SNTG2: variants seen among roughly 807,000 people sequenced by gnomAD.
The protein encoded by SNTG2 is syntrophin gamma 2.
SNTG2 carries 74 observed loss-of-function variants against 70.9 expected under a neutral mutation model. The observed-to-expected ratio is 1.04, with a 90% CI of 0.86 to 1.27. The LOEUF is 1.27. Ranked by LOEUF, SNTG2 falls within the 50% of genes most tolerant of loss-of-function variation. SNTG2 has a pLI of 0.00. For synonymous variants in SNTG2, 278 were observed against 273.8 expected (o/e 1.02, Z -0.15); for missense variants, 717 against 690.7 (o/e 1.04, Z -0.43).
chr2:1,100,315 C>T (rs529145336), intron 4 of SNTG2, among the ~76,000 whole-genome samples: 41 of 152,124 alleles, frequency 2.7e-4, no homozygotes, highest in Non-Finnish European at 4.6e-4. Flanking sequence ...TACAGGTGCC[C>T]GCCACCACGC....
chr2:1,098,479 A>G, intron 4 of SNTG2, 69 bp downstream of exon 4: 3 of 1,491,812 alleles, frequency 2.0e-6, no homozygotes, highest in Admixed American at 3.4e-5. Flanking sequence ...ACTGAAAATG[A>G]TAAAAATCAG....
intron 9 of SNTG2, among the ~76,000 whole-genome samples, chr2:1,211,173 G>A (rs762452481): frequency 1.3e-5 from 2 of 152,210 alleles, no homozygotes; most frequent in Non-Finnish European, 2.9e-5. Flanking sequence ...TAAAGTGTGT[G>A]CTTGTGGCTT....
intron 14 of SNTG2, among the ~76,000 whole-genome samples, chr2:1,303,561 C>G (rs1005388967): frequency 5.3e-5 from 8 of 152,140 alleles, no homozygotes; most frequent in African/African-American, 1.9e-4. Flanking sequence ...AAACTGTAGG[C>G]TTTTGCCTCA....
rs2148309599 is a variant in SNTG2, at chr2:1,353,596, T to C, written c.1489-13747T>C. 1 of 152,336 alleles carries C rather than the reference T, an allele frequency of 6.6e-6. No individual in the cohort carries two copies. Among genetic ancestry groups the C allele is most frequent in the Admixed American group, 6.5e-5 (1 of 15,302 alleles). The allele number at this position is 152,336 out of a possible 1,614,324, so 9.4% of individuals were successfully genotyped here. A position where few individuals can be genotyped will look rare whatever the true frequency, so the allele number is the denominator to read the frequency against. ...TCAGTGACAGAGGAGTGGCCTGCGG[T>C]GAAAGGCAGCCTGAGTTCAGATTGC... On this transcript the variant is annotated intron_variant, in intron 16 of 16. Coordinates refer to ENST00000308624, the MANE Select transcript of SNTG2 (RefSeq NM_018968.4). The surrounding 1 kb of genome is among the most constrained non-coding windows in gnomAD (Gnocchi z 4.2).
chr2:1,155,434 A>G (rs974882976), intron 6 of SNTG2, among the ~76,000 whole-genome samples: 1 of 152,160 alleles, frequency 6.6e-6, no homozygotes, highest in African/African-American at 2.4e-5. Context: ...GTGTACACAC[A>G]CCACATATGT....
intron 12 of SNTG2, among the ~76,000 whole-genome samples, chr2:1,253,462 C>T (rs928464864): frequency 5.3e-5 from 8 of 152,176 alleles, no homozygotes; most frequent in African/African-American, 1.9e-4. Flanking sequence ...CCTCACTATG[C>T]AATAATGTAG....
intron 4 of SNTG2, among the ~76,000 whole-genome samples, chr2:1,100,600 G>A (rs566484702): frequency 2.0e-5 from 3 of 152,306 alleles, no homozygotes; most frequent in East Asian, 1.9e-4. Context: ...GATTCCACAC[G>A]GGCGCCGTGG....
Position 961,348 on chromosome 2 carries a change from G to T in SNTG2, c.72+10280G>T, listed in dbSNP as rs532724431. 2.6e-5 allele frequency among the ~76,000 whole-genome samples: 4 copies of T among 152,252 alleles called. No individual in the cohort carries two copies. The East Asian group carries it at 7.7e-4, about 29-fold the overall frequency. On this transcript the variant is annotated intron_variant, in intron 1 of 16. Transcript: ENST00000308624. ...TTAATATATTTTTAGTAGAGATGGG[G>T]TTTCACAATGTTGGCCAGGCTCCCA...
chr2:1,078,492 G>A (rs1048379869), intron 1 of SNTG2, among the ~76,000 whole-genome samples: 3 of 152,050 alleles, frequency 2.0e-5, no homozygotes, highest in Non-Finnish European at 4.4e-5. Context: ...TTGCAGGACA[G>A]CTGGGCAGGG....
In SNTG2 at chr2:1,177,928, A is replaced by G. The variant is rs1386011759; in HGVS notation, c.591+4745A>G. Among the ~76,000 whole-genome samples the G allele has an allele frequency of 2.0e-5, 3 of 152,222 alleles. No individual in the cohort carries two copies. In the East Asian group the frequency reaches 5.8e-4, roughly 29 times the overall value. ...TTGTTAAATATGAGATAATTTTTAT[A>G]TTAGCCAGACTACTGTATTGTTGGA... On this transcript the variant is annotated intron_variant, in intron 8 of 16. Transcript: ENST00000308624.
intron 1 of SNTG2, among the ~76,000 whole-genome samples, chr2:981,599 CCACACATA>C (rs1242475370): frequency 6.6e-5 from 10 of 151,994 alleles, no homozygotes; most frequent in African/African-American, 1.7e-4. Context: ...ATGCCTGTGC[CCACACATA>C]TGCACATATG....
At chr2:1,267,237 CTCCT>C in intron 13 of SNTG2, 124 bp from the exon 14 acceptor site, 1 of 804,286 alleles carries the variant, frequency 1.2e-6, no homozygotes, top group Non-Finnish European at 2.0e-6. Context: ...CTGAATTTGC[CTCCT>C]TGTCTGCACC....
intron 4 of SNTG2, among the ~76,000 whole-genome samples, chr2:1,135,603 T>A (rs1668331397): frequency 6.6e-6 from 1 of 152,070 alleles, no homozygotes; most frequent in South Asian, 2.1e-4. Flanking sequence ...ATGTCTGTAA[T>A]CCCAGCTACT....
intron 15 of SNTG2, among the ~76,000 whole-genome samples, chr2:1,312,679 C>G (rs1442835857): frequency 1.3e-5 from 2 of 152,148 alleles, no homozygotes; most frequent in Non-Finnish European, 2.9e-5. Flanking sequence ...CTAAATCTAC[C>G]ACCAGGCCAC....
chr2:1,194,352 G>C (rs371713369), intron 8 of SNTG2, among the ~76,000 whole-genome samples: 4 of 152,222 alleles, frequency 2.6e-5, no homozygotes, highest in South Asian at 4.1e-4. Flanking sequence ...AATGTCCTCA[G>C]GCAGTTTCAC....
chr2:961,347 G>A (rs151233053), intron 1 of SNTG2, among the ~76,000 whole-genome samples: 1 of 152,196 alleles, frequency 6.6e-6, no homozygotes, highest in East Asian at 1.9e-4. Context: ...GTAGAGATGG[G>A]GTTTCACAAT....
chr2:1,122,768 T>C (rs1553333397), intron 4 of SNTG2, among the ~76,000 whole-genome samples: 1 of 142,608 alleles, frequency 7.0e-6, no homozygotes, highest in African/African-American at 2.5e-5. Context: ...AAGGAAGAAG[T>C]AAAGTTATCT....
At chr2:1,223,458 G>T (rs1387115529) in intron 9 of SNTG2, among the ~76,000 whole-genome samples, 3 of 152,232 alleles carry the variant, frequency 2.0e-5, no homozygotes, top group African/African-American at 4.8e-5. Context: ...TTGTGTCTCT[G>T]CCAACTGCGT....
intron 1 of SNTG2, among the ~76,000 whole-genome samples, chr2:965,506 T>C (rs1196185430): frequency 4.7e-5 from 7 of 150,348 alleles, no homozygotes; most frequent in Non-Finnish European, 1.0e-4. Context: ...TCTGGTCTTC[T>C]TCAGGGTCCC....
Sources: allele counts gnomAD v4.1 joint callset (sites outside exome capture counted in the v4.1 genomes callset), GRCh38; gene constraint gnomAD v4.1.1; non-coding constraint Gnocchi (gnomAD v3.1); transcripts MANE v1.5; gene names NCBI Gene and HGNC (gene_info 2026-07-23, HGNC 2026-07-21).